Variants in ENOX1 observed in about 807,000 individuals in gnomAD.
ENOX1 encodes the protein ecto-NOX disulfide-thiol exchanger 1.
ENOX1 carries 42 observed loss-of-function variants against 82.5 expected under a neutral mutation model. The observed-to-expected ratio is 0.51, with a 90% CI of 0.40 to 0.66. The LOEUF (loss-of-function observed/expected upper bound fraction) is 0.66. ENOX1 is among the 30% of genes least tolerant of loss of function. The pLI, the probability that ENOX1 is intolerant of heterozygous loss-of-function variation, is 0.00. For missense variants in ENOX1, 608 were observed against 811.6 expected (o/e 0.75, Z 3.05); for synonymous variants, 271 against 282.2 (o/e 0.96, Z 0.40).
At chr13:43,598,805 A>AT (rs11413911) in intron 2 of ENOX1, among the ~76,000 whole-genome samples, 147,554 of 152,056 alleles carry the variant, frequency 0.97, 71,747 homozygotes, top group Non-Finnish European at 1. Flanking sequence ...GAAAGTAAAA[A>AT]TTTTTTTTAG....
At chr13:43,561,985 A>G (rs1461127551) in intron 2 of ENOX1, among the ~76,000 whole-genome samples, 3 of 139,208 alleles carry the variant, frequency 2.2e-5, no homozygotes, top group South Asian at 2.7e-4. Context: ...GGAAGGAAGG[A>G]AGAGAGAGAG....
chr13:43,625,915 G>C (rs1283074995), intron 2 of ENOX1, among the ~76,000 whole-genome samples: 1 of 151,844 alleles, frequency 6.6e-6, no homozygotes, highest in Non-Finnish European at 1.5e-5. Flanking sequence ...TGTAGAATTA[G>C]TATTAATTAT....
At chr13:43,585,491 T>C (rs1389697203) in intron 2 of ENOX1, among the ~76,000 whole-genome samples, 2 of 152,244 alleles carry the variant, frequency 1.3e-5, no homozygotes, top group Admixed American at 1.3e-4. Context: ...AGCATCCTTA[T>C]TCATTGATCG....
At chr13:43,722,312 A>ATC (rs2153818510) in intron 1 of ENOX1, among the ~76,000 whole-genome samples, 2 of 152,342 alleles carry the variant, frequency 1.3e-5, no homozygotes, top group Admixed American at 1.3e-4. Context: ...AACAGAGAGG[A>ATC]TCTAAGAGGA....
intron 2 of ENOX1, among the ~76,000 whole-genome samples, chr13:43,560,641 C>G (rs1178871173): frequency 6.6e-6 from 1 of 152,166 alleles, no homozygotes; most frequent in Non-Finnish European, 1.5e-5. Context: ...GTCATGTGTA[C>G]TGCAAATATA....
intron 2 of ENOX1, among the ~76,000 whole-genome samples, chr13:43,599,296 AC>A (rs1401953557): frequency 6.6e-6 from 1 of 151,924 alleles, no homozygotes; most frequent in Non-Finnish European, 1.5e-5. Flanking sequence ...TCCTGATGCC[AC>A]CCCTTCCTCA....
In ENOX1 at chr13:43,349,905, A is replaced by T. The variant is rs563177546; in HGVS notation, c.824-5155T>A. 3.3e-5 allele frequency among the ~76,000 whole-genome samples: 5 copies of T among 152,286 alleles called. No homozygotes were observed. In the East Asian group the frequency reaches 9.7e-4, roughly 29 times the overall value. On this transcript the variant is annotated intron_variant, in intron 8 of 16. Transcript: ENST00000690772. The stretch of plus-strand genomic sequence containing the variant: ...CGACCAATTAAATCCCTGTCCCCAC[A>T]GCTGTCACTTCTATCCAGGAAATAA...
chr13:43,343,888 G>C (rs1399942558), intron 9 of ENOX1, among the ~76,000 whole-genome samples: 1 of 151,718 alleles, frequency 6.6e-6, no homozygotes, highest in East Asian at 1.9e-4. Flanking sequence ...TTTTTGAATA[G>C]AGCCCTGGGT....
chr13:43,553,373 T>C (rs894402600), intron 2 of ENOX1, among the ~76,000 whole-genome samples: 4 of 152,192 alleles, frequency 2.6e-5, no homozygotes, highest in African/African-American at 9.6e-5. Flanking sequence ...AAAAAAATGC[T>C]ATCCCATAAG....
chr13:43,604,981 AAAAG>A (rs1372877595), intron 2 of ENOX1, among the ~76,000 whole-genome samples: 6 of 152,192 alleles, frequency 3.9e-5, no homozygotes, highest in African/African-American at 1.4e-4. Flanking sequence ...AACAATCTGA[AAAAG>A]AAATCTAGAA....
chr13:43,527,500 TA>T (rs1330792534), intron 2 of ENOX1, among the ~76,000 whole-genome samples: 1 of 152,154 alleles, frequency 6.6e-6, no homozygotes, highest in Non-Finnish European at 1.5e-5. Flanking sequence ...CTTGATTTTT[TA>T]AAAAATATAT....
At chr13:43,277,686 C>T (rs1253106540) in intron 12 of ENOX1, among the ~76,000 whole-genome samples, 8 of 152,188 alleles carry the variant, frequency 5.3e-5, no homozygotes, top group African/African-American at 1.2e-4. Flanking sequence ...GCTGTGTGTT[C>T]GCTAGGGGAA....
intron 2 of ENOX1, among the ~76,000 whole-genome samples, chr13:43,633,333 G>T (rs2153751709): frequency 6.6e-6 from 1 of 152,222 alleles, no homozygotes; most frequent in Non-Finnish European, 1.5e-5. Flanking sequence ...GAGGAAATTT[G>T]CCAGTATCTA....
intron 12 of ENOX1, among the ~76,000 whole-genome samples, chr13:43,284,538 A>AT (rs1849241670): frequency 6.6e-6 from 1 of 152,242 alleles, no homozygotes. Flanking sequence ...GGTGGAGGGC[A>AT]TAAAAAATAG....
intron 2 of ENOX1, among the ~76,000 whole-genome samples, chr13:43,580,468 C>T (rs566212424): frequency 6.6e-6 from 1 of 152,342 alleles, no homozygotes; most frequent in East Asian, 1.9e-4. Flanking sequence ...AATAGCTGCA[C>T]TAAGAACAGT....
chr13:43,439,717 A>G (rs2056257851), intron 3 of ENOX1, among the ~76,000 whole-genome samples: 1 of 152,058 alleles, frequency 6.6e-6, no homozygotes, highest in Non-Finnish European at 1.5e-5. Context: ...TTTTTTCTCA[A>G]TGTCTATTCC....
At chr13:43,571,330 CAACTAGATGTG>C (rs1194195861) in intron 2 of ENOX1, among the ~76,000 whole-genome samples, 4 of 152,248 alleles carry the variant, frequency 2.6e-5, no homozygotes, top group Admixed American at 2.6e-4. Flanking sequence ...GTTTGCTTCT[CAACTAGATGTG>C]AACTCAAGGT....
At chr13:43,649,270 A>C (rs2084040204) in intron 2 of ENOX1, among the ~76,000 whole-genome samples, 1 of 152,178 alleles carries the variant, frequency 6.6e-6, no homozygotes, top group Non-Finnish European at 1.5e-5. Flanking sequence ...ATAAAAGTAA[A>C]ACTAGAACAT....
At chr13:43,362,198 TAGAA>T (rs2050568035) in intron 5 of ENOX1, among the ~76,000 whole-genome samples, 2 of 146,388 alleles carry the variant, frequency 1.4e-5, no homozygotes, top group Non-Finnish European at 3.0e-5. Flanking sequence ...CACTTGAAAA[TAGAA>T]AGTGTGCAAA....
Sources: gnomAD v4.1 joint callset for allele counts (sites outside exome capture counted in the v4.1 genomes callset) on GRCh38, gnomAD v4.1.1 for gene constraint, MANE v1.5 for transcripts, NCBI Gene and HGNC (gene_info 2026-07-23, HGNC 2026-07-21) for gene names.